Variants in HDAC11 observed in about 807,000 individuals in gnomAD.
The protein encoded by HDAC11 is histone deacetylase 11.
HDAC11 carries 23 observed loss-of-function variants against 41.1 expected under a neutral mutation model. The ratio of observed to expected loss-of-function variants is 0.56; its 90% CI spans 0.40 to 0.79. The LOEUF is 0.79. Ranked by LOEUF, HDAC11 falls within the 30% of genes least tolerant of loss-of-function variation. HDAC11 has a pLI of 0.00. For missense variants in HDAC11, 402 were observed against 477.3 expected, an observed-to-expected ratio of 0.84 and a Z score of 1.47; for synonymous variants, 187 against 186.6, an observed-to-expected ratio of 1.00 and a Z score of -0.02.
At chr3:13,485,052 C>T (rs1701496832) in intron 3 of HDAC11, among the ~76,000 whole-genome samples, 1 of 152,214 alleles carries the variant, frequency 6.6e-6, no homozygotes, top group Admixed American at 6.5e-5. Flanking sequence ...CCCCTCTGCT[C>T]CACAGGTGGA....
chr3:13,483,579 G>T lies in HDAC11; in HGVS notation c.252+15G>T, dbSNP rs1559369739. On this transcript the variant is annotated intron_variant, in intron 3 of 9. Coordinates refer to ENST00000295757, the MANE Select transcript of HDAC11 (RefSeq NM_024827.4). ...ATGAGCTCAAGGTACAGGATGTCGG[G>T]CCTGGGGGGCTGCGGGCCTGGGGCA... is the stretch of plus-strand genomic sequence containing the variant. 1 of 1,599,050 alleles carries T rather than the reference G, an allele frequency of 6.3e-7. No individual in the cohort carries two copies.
At chr3:13,498,677 T>G in intron 5 of HDAC11, 122 bp downstream of exon 5, 3 of 1,105,622 alleles carry the variant, frequency 2.7e-6, no homozygotes, top group Non-Finnish European at 4.0e-6. Context: ...AGCTCTGGTT[T>G]TCCCAAGTCA....
At chr3:13,481,558 T>G (rs1410561888) in intron 2 of HDAC11, among the ~76,000 whole-genome samples, 164 bp downstream of exon 2, 1 of 151,962 alleles carries the variant, frequency 6.6e-6, no homozygotes. Flanking sequence ...CAACACAGAC[T>G]CCTAATCACG....
intron 6 of HDAC11, among the ~76,000 whole-genome samples, chr3:13,501,456 G>T (rs1702362105): frequency 6.6e-6 from 1 of 152,162 alleles, no homozygotes; most frequent in African/African-American, 2.4e-5. Flanking sequence ...GGGAATGAAG[G>T]CTTCCTGGAA....
In HDAC11 at chr3:13,502,067, A is replaced by G; in HGVS notation, c.552+134A>G. On this transcript the variant is annotated intron_variant, in intron 7 of 9. Transcript: ENST00000295757. The surrounding 1 kb of genome is among the most constrained non-coding windows in gnomAD (Gnocchi z 4.1). The stretch of plus-strand genomic sequence containing the variant: ...TTCTGTCTTCTGTCTCTCGGGCTAC[A>G]AATGCAGGGTCTGTCTTTGTCACTC... 1 of 711,530 alleles carries G rather than the reference A, an allele frequency of 1.4e-6. No individual in the cohort carries two copies. The highest frequency in any genetic ancestry group is 2.3e-5 in the Admixed American group (1 of 42,592). 44.1% of individuals were successfully genotyped at this position (711,530 alleles called of 1,614,324 possible). A position where few individuals can be genotyped will look rare whatever the true frequency, so the allele number is the denominator to read the frequency against.
intron 3 of HDAC11, among the ~76,000 whole-genome samples, chr3:13,485,415 C>G (rs1160110748): frequency 6.6e-6 from 1 of 152,158 alleles, no homozygotes; most frequent in Non-Finnish European, 1.5e-5. Flanking sequence ...CTGCCAGAGT[C>G]CCGAGGGTGA....
chr3:13,496,712 A>G, intron 3 of HDAC11, 24 bp from the exon 4 acceptor site: 1 of 1,525,206 alleles, frequency 6.6e-7, no homozygotes, highest in Non-Finnish European at 9.0e-7. Flanking sequence ...AGCGGAGGCC[A>G]ACAGCCCCTG....
In HDAC11 at chr3:13,502,811, G is replaced by C; in HGVS notation, c.553-73G>C. On this transcript the variant is annotated intron_variant, in intron 7 of 9. Transcript: ENST00000295757. The surrounding 1 kb of genome is among the most constrained non-coding windows in gnomAD (Gnocchi z 4.1). ...CTGGCAAATGGGGAGTTTCCTGAGG[G>C]GTGGGTGGGTGGCAGAGCCCCAGCC... 8.6e-7 allele frequency: 1 copy of C among 1,161,952 alleles called. No homozygotes were observed. The allele number at this position is 1,161,952 out of a possible 1,614,324, so 72.0% of individuals were successfully genotyped here. A position where few individuals can be genotyped will look rare whatever the true frequency, so the allele number is the denominator to read the frequency against.
At chr3:13,495,186 A>G (rs1469261210) in intron 3 of HDAC11, among the ~76,000 whole-genome samples, 2 of 151,872 alleles carry the variant, frequency 1.3e-5, no homozygotes, top group South Asian at 2.1e-4. Context: ...AGGTCTTTCC[A>G]CATCTCACCC....
At chr3:13,504,317 C>G (rs1265858639) in intron 9 of HDAC11, 45 bp downstream of exon 9, 7 of 1,603,510 alleles carry the variant, frequency 4.4e-6, no homozygotes, top group Admixed American at 1.7e-5. Flanking sequence ...GCTCTATGGA[C>G]TCAGCAGCAG....
At chr3:13,485,329 T>C (rs1183633938) in intron 3 of HDAC11, among the ~76,000 whole-genome samples, 1 of 152,166 alleles carries the variant, frequency 6.6e-6, no homozygotes, top group Non-Finnish European at 1.5e-5. Context: ...GCCCAGTGCT[T>C]GGCTGCCCTG....
At chr3:13,500,602 T>A in intron 5 of HDAC11, 111 bp from the exon 6 acceptor site, 1 of 872,068 alleles carries the variant, frequency 1.1e-6, no homozygotes, top group South Asian at 1.5e-5. Flanking sequence ...GAGGCACAGG[T>A]TCCTGAGAGC....
chr3:13,489,938 G>A (rs1044832895), intron 3 of HDAC11, among the ~76,000 whole-genome samples: 63 of 151,508 alleles, frequency 4.2e-4, no homozygotes, highest in African/African-American at 1.5e-3. Context: ...GGCTTACTGT[G>A]GTTATTGTGG....
At position 13,496,014 on chromosome 3, in the gene HDAC11, C is replaced by T. The variant is rs548870752; in HGVS notation, c.253-722C>T. Among the ~76,000 whole-genome samples, 18 of 152,194 alleles carry T rather than the reference C, an allele frequency of 1.2e-4. No individual in the cohort carries two copies. In the South Asian group the frequency reaches 1.7e-3, roughly 14 times the overall value. ...TTACAAAGTGAGTGGCTCTGCCTCG[C>T]GTGGGTGGGGAGCAGGGATGCGTTT... is the stretch of plus-strand genomic sequence containing the variant. On this transcript the variant is annotated intron_variant, in intron 3 of 9. Transcript: ENST00000295757.
rs181341416 is a variant in HDAC11, at chr3:13,504,342, G to T, written c.828+70G>T. 6 of 1,591,164 alleles carry T rather than the reference G, an allele frequency of 3.8e-6. 1 individual carries two copies. In the South Asian group the frequency reaches 6.7e-5, roughly 18 times the overall value. ...CTCAGCAGCAGCAGGAAAGGTGGGC[G>T]GCCTCATGTCAGGGAGGAGATGGAC... On this transcript the variant is annotated intron_variant, in intron 9 of 9. Transcript: ENST00000295757.
intron 3 of HDAC11, among the ~76,000 whole-genome samples, chr3:13,495,618 C>T (rs1702061624): frequency 6.6e-6 from 1 of 152,200 alleles, no homozygotes; most frequent in Admixed American, 6.5e-5. Flanking sequence ...GCTAGTGCAG[C>T]TTGGGACAGC....
chr3:13,504,271 C>A lies in HDAC11; in HGVS notation c.827C>A (p.Ala276Glu), dbSNP rs375290521. 1.9e-6 allele frequency: 3 copies of A among 1,613,110 alleles called. No individual in the cohort carries two copies. Among genetic ancestry groups the A allele is most frequent in the Admixed American group, 3.3e-5 (2 of 60,020 alleles). ...CTTGGGGGGCTGTCCATCAGCCCAG[C>A]GGTACGTCCTGACCCTTGGGGCCAC... ...DRLGGLSISP[A>E]GIVKRDELVF... The change falls in exon 9 of 10, where the codon GCG (alanine) becomes GAG (glutamate). Residue 276 changes from alanine (A) to glutamate (E), a missense_variant and splice_region_variant. Ala to Glu is a moderately radical substitution (Grantham distance 107). Coordinates refer to ENST00000295757, the MANE Select transcript of HDAC11 (RefSeq NM_024827.4).
At chr3:13,484,351 T>A (rs1339996557) in intron 3 of HDAC11, among the ~76,000 whole-genome samples, 2 of 152,176 alleles carry the variant, frequency 1.3e-5, no homozygotes, top group Non-Finnish European at 2.9e-5. Context: ...AAAAACTAAT[T>A]TGAAACCCTC....
chr3:13,483,059 G>C (rs1163826349), intron 2 of HDAC11, among the ~76,000 whole-genome samples: 3 of 142,434 alleles, frequency 2.1e-5, no homozygotes, highest in Non-Finnish European at 4.5e-5. Flanking sequence ...CCAAGACCCT[G>C]TCTCTTTAAA....
Sources: gnomAD v4.1 joint callset for allele counts (sites outside exome capture counted in the v4.1 genomes callset) on GRCh38, gnomAD v4.1.1 for gene constraint, Gnocchi (gnomAD v3.1) non-coding constraint, MANE v1.5 for transcripts, NCBI Gene and HGNC (gene_info 2026-07-23, HGNC 2026-07-21) for gene names.